Variants in DOCK1 observed in about 807,000 individuals in gnomAD.
The protein encoded by DOCK1 is dedicator of cytokinesis 1.
DOCK1 carries 138 observed loss-of-function variants against 262.7 expected under a neutral mutation model. That is an observed-to-expected ratio of 0.53 (90% CI 0.46 to 0.61). The LOEUF (loss-of-function observed/expected upper bound fraction) is 0.61. Among genes scored for constraint, DOCK1 ranks in the 20% least tolerant of loss-of-function variants. The pLI is 0.00. For synonymous variants in DOCK1, 866 were observed against 867.4 expected, an observed-to-expected ratio of 1.00 and a Z score of 0.03; for missense variants, 1,908 against 2,370.7, an observed-to-expected ratio of 0.80 and a Z score of 4.05.
chr10:127,000,222 G>C lies in DOCK1; in HGVS notation c.900G>C (p.Gln300His). The change falls in exon 10 of 52, where the codon CAG becomes CAC. Residue 300 changes from glutamine (Q) to histidine (H), a missense_variant. Around this residue, in one of 9 missense-constraint regions of DOCK1, gnomAD observed 102 missense variants for 154.9 expected, o/e 0.66. Coordinates refer to ENST00000623213, the MANE Select transcript of DOCK1 (RefSeq NM_001290223.2). ...LKREKISFVC[Q>H]IVRVGRMELR... is the part of the protein sequence containing the mutation. Reference sequence around the variant, plus strand: ...GGGAGAAAATCAGTTTTGTCTGTCAGATTGTTCGCGTGGGTCGCATGGAGC... The same window carrying C: ...GGGAGAAAATCAGTTTTGTCTGTCACATTGTTCGCGTGGGTCGCATGGAGC... The C allele has an allele frequency of 6.2e-7, 1 of 1,614,068 alleles. No homozygotes were observed. Among genetic ancestry groups the C allele is most frequent in the Non-Finnish European group, 8.5e-7 (1 of 1,179,904 alleles).
chr10:127,373,855 A>C lies in DOCK1; in HGVS notation c.3507A>C (p.Leu1169Phe). The change falls in exon 34 of 52, where the codon TTA (leucine) becomes TTC (phenylalanine). Residue 1169 changes from leucine (L) to phenylalanine (F), a missense_variant. By Grantham distance (22) the Leu-to-Phe change is conservative. This residue lies in a region of DOCK1 where 518 missense variants were observed against 575.1 expected (regional missense o/e 0.90). Transcript: ENST00000623213. ...GGRGDEQYKV[L>F]FDKILLEHCR... ...GAGGAGACGAACAGTACAAAGTGTTATTTGATAAAATGTAAGTGTTGATTA... is the reference window on the plus strand; with the variant it reads ...GAGGAGACGAACAGTACAAAGTGTTCTTTGATAAAATGTAAGTGTTGATTA... 6.2e-7 allele frequency: 1 copy of C among 1,607,040 alleles called. No homozygotes were observed. The highest frequency in any genetic ancestry group is 1.1e-5 in the South Asian group (1 of 89,220).
chr10:127,337,050 AG>A (rs2063233319), intron 29 of DOCK1, among the ~76,000 whole-genome samples: 1 of 151,892 alleles, frequency 6.6e-6, no homozygotes. Context: ...TAAGGACCCT[AG>A]GGTACTCTGC....
intron 19 of DOCK1, 142 bp downstream of exon 19, chr10:127,037,958 G>T: frequency 1.4e-6 from 1 of 703,948 alleles, no homozygotes; most frequent in Non-Finnish European, 2.2e-6. Context: ...TAGGGATTGG[G>T]TGCGGTGGCT....
chr10:127,171,734 C>T (rs139698818), intron 27 of DOCK1, among the ~76,000 whole-genome samples: 31 of 152,230 alleles, frequency 2.0e-4, no homozygotes, highest in East Asian at 5.8e-4. Context: ...GATGGAGTCT[C>T]GCTCTGTTGC....
At chr10:127,034,979 T>C (rs545683872) in intron 18 of DOCK1, among the ~76,000 whole-genome samples, 47 of 152,276 alleles carry the variant, frequency 3.1e-4, no homozygotes, top group Non-Finnish European at 5.4e-4. Flanking sequence ...CTCCCCAGAC[T>C]GAGGGAGAGG....
At chr10:126,993,392 C>T (rs116167702) in intron 6 of DOCK1, among the ~76,000 whole-genome samples, 1,756 of 152,306 alleles carry the variant, frequency 0.012, 49 homozygotes, top group African/African-American at 0.04. Flanking sequence ...TCTATCCACG[C>T]ATTACTGACC....
intron 1 of DOCK1, among the ~76,000 whole-genome samples, chr10:126,965,820 A>G (rs1411954788): frequency 6.6e-6 from 1 of 152,196 alleles, no homozygotes; most frequent in Non-Finnish European, 1.5e-5. Context: ...CATATGAAGT[A>G]TGGTGATCAG....
At chr10:127,199,653 G>A (rs999308505) in intron 27 of DOCK1, among the ~76,000 whole-genome samples, 3 of 152,168 alleles carry the variant, frequency 2.0e-5, no homozygotes, top group African/African-American at 7.2e-5. Context: ...TATCAATGGT[G>A]GAAAATATCA....
At chr10:127,385,248 G>A (rs1451595184) in intron 38 of DOCK1, among the ~76,000 whole-genome samples, 4 of 152,136 alleles carry the variant, frequency 2.6e-5, no homozygotes, top group Non-Finnish European at 4.4e-5. Context: ...TGTTGGCACG[G>A]AAGAATTAAT....
intron 29 of DOCK1, among the ~76,000 whole-genome samples, chr10:127,272,548 A>G (rs2498948): frequency 1 from 152,084 of 152,354 alleles, 75,907 homozygotes; most frequent in Non-Finnish European, 1. Context: ...ACTTTTCTCA[A>G]CATGCAATCT....
chr10:127,159,165 C>T (rs1215176474), intron 27 of DOCK1, among the ~76,000 whole-genome samples: 2 of 152,234 alleles, frequency 1.3e-5, no homozygotes, highest in Non-Finnish European at 2.9e-5. Flanking sequence ...GCCAATTCTA[C>T]AAGGTGGTTT....
intron 11 of DOCK1, among the ~76,000 whole-genome samples, chr10:127,011,107 A>G (rs553280065): frequency 2.1e-4 from 32 of 152,310 alleles, no homozygotes; most frequent in African/African-American, 7.5e-4. Context: ...CTTGAAAAAT[A>G]TGTTATTCCA....
intron 1 of DOCK1, among the ~76,000 whole-genome samples, chr10:126,905,871 G>A (rs891554593): frequency 6.6e-6 from 1 of 152,020 alleles, no homozygotes; most frequent in African/African-American, 2.4e-5. Flanking sequence ...CTCTGCCGTG[G>A]AGCCCCCCGG....
chr10:127,203,232 A>G (rs867927269), intron 27 of DOCK1, among the ~76,000 whole-genome samples: 12 of 152,210 alleles, frequency 7.9e-5, no homozygotes, highest in Non-Finnish European at 1.5e-5. Context: ...GCCATGTATA[A>G]TGGCATCGTA....
chr10:127,429,521 A>G (rs1000499883), intron 47 of DOCK1, among the ~76,000 whole-genome samples: 1 of 152,234 alleles, frequency 6.6e-6, no homozygotes, highest in African/African-American at 2.4e-5. Flanking sequence ...AAATTTAAAA[A>G]TAAACCCATA....
At chr10:127,035,842 T>C (rs1020480641) in intron 18 of DOCK1, among the ~76,000 whole-genome samples, 3 of 151,682 alleles carry the variant, frequency 2.0e-5, no homozygotes, top group African/African-American at 7.3e-5. Flanking sequence ...AGTCCCTGTC[T>C]CTACTAAAAA....
At chr10:127,251,431 G>T (rs2059637896) in intron 28 of DOCK1, among the ~76,000 whole-genome samples, 1 of 151,240 alleles carries the variant, frequency 6.6e-6, no homozygotes. Context: ...TGCACAATGT[G>T]CAGGTTAGTT....
chr10:127,003,112 G>A (rs951734499), intron 10 of DOCK1, among the ~76,000 whole-genome samples: 3 of 151,600 alleles, frequency 2.0e-5, no homozygotes, highest in African/African-American at 7.3e-5. Flanking sequence ...GTGAACCCAC[G>A]TGAACCTTTA....
intron 38 of DOCK1, among the ~76,000 whole-genome samples, chr10:127,394,295 AT>A (rs1249082425): frequency 2.8e-5 from 4 of 142,392 alleles, no homozygotes; most frequent in African/African-American, 8.0e-5. Flanking sequence ...GCTCTGTTGT[AT>A]TTTCCCTTAA....
Sources: allele counts gnomAD v4.1 joint callset (sites outside exome capture counted in the v4.1 genomes callset), GRCh38; gene constraint gnomAD v4.1.1; regional missense constraint gnomAD v4.1.1; transcripts MANE v1.5; gene names NCBI Gene and HGNC (gene_info 2026-07-23, HGNC 2026-07-21).